The following BPIFB2 variants were observed in gnomAD, a reference collection of about 807,000 sequenced individuals.
The protein encoded by BPIFB2 is BPI fold-containing family B member 2.
Under a neutral mutation model 50.1 loss-of-function variants are expected in BPIFB2, and 39 were observed. That is an observed-to-expected ratio of 0.78 (90% confidence interval 0.60 to 1.02). BPIFB2 has a LOEUF of 1.02. Among genes scored for constraint, BPIFB2 ranks in the 50% least tolerant of loss-of-function variants. BPIFB2 has a pLI of 0.00. For synonymous variants in BPIFB2, 280 were observed against 256.3 expected, an observed-to-expected ratio of 1.09 and a Z score of -0.88; for missense variants, 574 against 585.8, an observed-to-expected ratio of 0.98 and a Z score of 0.21.
Position 33,013,849 on chromosome 20 carries a change from G to A in BPIFB2, c.348G>A (p.Leu116=). 1.9e-6 allele frequency: 3 copies of A among 1,613,858 alleles called. No homozygotes were observed. The highest frequency in any genetic ancestry group is 2.5e-6 in the Non-Finnish European group (3 of 1,179,918). ...EPLELTLPVE[L]LADTRVTQSS... The stretch of plus-strand genomic sequence containing the variant: ...TGGAGCTGACGCTGCCTGTGGAACT[G>A]CTGGCTGACACCCGCGTGACCCAGA... Residue 116 remains leucine (L), a synonymous_variant, in exon 5 of 16, where the codon CTG becomes CTA. Coordinates refer to ENST00000170150, the MANE Select transcript of BPIFB2 (RefSeq NM_025227.3).
At chr20:33,019,431 G>A in intron 10 of BPIFB2, 149 bp from the exon 11 acceptor site, 1 of 932,572 alleles carries the variant, frequency 1.1e-6, no homozygotes, top group East Asian at 2.7e-5. Context: ...CGGCCTGTAA[G>A]ACCCACTGGC....
intron 15 of BPIFB2, among the ~76,000 whole-genome samples, chr20:33,022,525 G>A (rs1368126743): frequency 4.6e-5 from 7 of 152,212 alleles, no homozygotes; most frequent in African/African-American, 1.2e-4. Flanking sequence ...AAAACAGGCA[G>A]TTAGTGGCTG....
intron 15 of BPIFB2, among the ~76,000 whole-genome samples, 192 bp downstream of exon 15, chr20:33,021,991 A>G (rs1366291345): frequency 6.6e-6 from 1 of 152,198 alleles, no homozygotes; most frequent in Non-Finnish European, 1.5e-5. Context: ...TAGTCCTCAT[A>G]AAATATCACA....
chr20:33,008,936 G>A (rs1990249855), intron 2 of BPIFB2, among the ~76,000 whole-genome samples: 1 of 152,164 alleles, frequency 6.6e-6, no homozygotes, highest in Non-Finnish European at 1.5e-5. Flanking sequence ...CACATGCTTT[G>A]GTGATGTGGG....
Position 33,009,386 on chromosome 20 carries a change from T to G in BPIFB2, c.109+703T>G, listed in dbSNP as rs1990257200. Among the ~76,000 whole-genome samples the G allele has an allele frequency of 6.6e-6, 1 of 152,024 alleles. No individual in the cohort carries two copies. The highest frequency in any genetic ancestry group is 1.5e-5 in the Non-Finnish European group (1 of 68,010). ...AAGGTCCAGGACGCCAGCACAAACA[T>G]GTTTATTCACCTCGAGTTGCCTCCC... On this transcript the variant is annotated intron_variant, in intron 2 of 15. Coordinates refer to ENST00000170150, the MANE Select transcript of BPIFB2 (RefSeq NM_025227.3). The surrounding 1 kb of genome is among the most constrained non-coding windows in gnomAD (Gnocchi z 4.2).
In BPIFB2 at chr20:33,020,337, T is replaced by C; in HGVS notation, c.1090T>C (p.Leu364=). The change falls in exon 12 of 16, where the codon TTG becomes CTG. Residue 364 remains leucine (L), a synonymous_variant. Coordinates refer to ENST00000170150, the MANE Select transcript of BPIFB2 (RefSeq NM_025227.3). ...CTCCCCATGTGCCCAGGTAGTGAAC[T>C]TGAGACTCCAGCTCTCTGTGTCCAA... ...SLFSLDVVVN[L]RLQLSVSKVK... The C allele has an allele frequency of 6.2e-7, 1 of 1,614,126 alleles. No homozygotes were observed. The highest frequency in any genetic ancestry group is 2.2e-5 in the East Asian group (1 of 44,884).
chr20:33,013,303 G>A (rs1045034044), intron 4 of BPIFB2, among the ~76,000 whole-genome samples: 5 of 152,150 alleles, frequency 3.3e-5, no homozygotes, highest in African/African-American at 4.8e-5. Context: ...ATTTTTGTGT[G>A]CCTGGCATCT....
intron 4 of BPIFB2, among the ~76,000 whole-genome samples, chr20:33,013,499 C>A (rs1028663052): frequency 2.0e-5 from 3 of 152,184 alleles, no homozygotes; most frequent in African/African-American, 2.4e-5. Flanking sequence ...GTCCCACCAA[C>A]CTTATGTCCA....
chr20:33,021,293 C>A lies in BPIFB2; in HGVS notation c.1207C>A (p.Arg403Ser). Reference sequence around the variant, plus strand: ...TCCGTGGCCACAGACAGATCAGGTGCGCACACTGATGGGCACCGTTTTTGA... The same window carrying A: ...TCCGTGGCCACAGACAGATCAGGTGAGCACACTGATGGGCACCGTTTTTGA... ...NVGFIDTDQV[R>S]TLMGTVFEKP... The change falls in exon 14 of 16, where the codon CGC (arginine) becomes AGC (serine). Residue 403 changes from arginine to serine, a missense_variant. By Grantham distance (110) the Arg-to-Ser change is moderately radical. Coordinates refer to ENST00000170150, the MANE Select transcript of BPIFB2 (RefSeq NM_025227.3). 6.2e-7 allele frequency: 1 copy of A among 1,613,970 alleles called. No individual in the cohort carries two copies. The highest frequency in any genetic ancestry group is 1.3e-5 in the African/African-American group (1 of 75,044).
chr20:33,015,578 AGGGGGTACTTTGCTT>A, intron 6 of BPIFB2, 82 bp downstream of exon 6: 1 of 1,204,034 alleles, frequency 8.3e-7, no homozygotes, highest in Non-Finnish European at 1.2e-6. Context: ...GATTTCAGGC[AGGGGGTACTTTGCTT>A]GGGATTAAAA....
At chr20:33,015,535 C>T in intron 6 of BPIFB2, 39 bp downstream of exon 6, 1 of 1,534,534 alleles carries the variant, frequency 6.5e-7, no homozygotes, top group Non-Finnish European at 8.9e-7. Flanking sequence ...GAGGGCATGG[C>T]TTCACCGAGA....
intron 14 of BPIFB2, 151 bp from the exon 15 acceptor site, chr20:33,021,572 C>A (rs1978673418): frequency 1.1e-6 from 1 of 901,966 alleles, no homozygotes; most frequent in Non-Finnish European, 1.7e-6. Flanking sequence ...CTTTTTCTCT[C>A]TGAGCCCCAG....
intron 6 of BPIFB2, among the ~76,000 whole-genome samples, chr20:33,015,991 C>T (rs1460878078): frequency 6.6e-6 from 1 of 152,114 alleles, no homozygotes; most frequent in Non-Finnish European, 1.5e-5. Flanking sequence ...GAGTTCGGGA[C>T]AGTGGTTGGC....
chr20:33,016,475 G>A (rs1273651847), intron 6 of BPIFB2, among the ~76,000 whole-genome samples: 2 of 152,224 alleles, frequency 1.3e-5, no homozygotes, highest in East Asian at 1.9e-4. Flanking sequence ...GCCCAGTCTC[G>A]CCAGCTCTTG....
Position 33,010,615 on chromosome 20 carries a change from C to T in BPIFB2, c.110-409C>T, listed in dbSNP as rs61389571. ...GGCTGTCCCCTCCCCTCCCAAGGGACGTCCCCTCTGCTCCCATGGGCGCCT... is the reference window on the plus strand; with the variant it reads ...GGCTGTCCCCTCCCCTCCCAAGGGATGTCCCCTCTGCTCCCATGGGCGCCT... On this transcript the variant is annotated intron_variant, in intron 2 of 15. Coordinates refer to ENST00000170150, the MANE Select transcript of BPIFB2 (RefSeq NM_025227.3). Among the ~76,000 whole-genome samples the T allele has an allele frequency of 7.1e-3, 1,075 of 152,196 alleles. 13 individuals carry two copies. The highest frequency in any genetic ancestry group is 0.024 in the African/African-American group (1,010 of 41,528).
At chr20:33,023,191 G>C (rs1204984016) in intron 15 of BPIFB2, 151 bp from the exon 16 acceptor site, 1 of 707,678 alleles carries the variant, frequency 1.4e-6, no homozygotes, top group African/African-American at 1.8e-5. Context: ...CAAAGTGACA[G>C]ACTGGTAAAC....
chr20:33,018,767 C>A lies in BPIFB2; in HGVS notation c.800C>A (p.Ala267Glu), dbSNP rs533775789. ...VGLSQQLFDS[A>E]LLLLQKAGAL... The stretch of plus-strand genomic sequence containing the variant: ...CTCTCCCAGCAGCTGTTTGACTCTG[C>A]GCTCCTGCTGCTGCAGAAGGCCGGT... Residue 267 changes from alanine (A) to glutamate (E), a missense_variant, in exon 9 of 16, where the codon GCG (alanine) becomes GAG (glutamate). Ala to Glu is a moderately radical substitution (Grantham distance 107, BLOSUM62 -1). Coordinates refer to ENST00000170150, the MANE Select transcript of BPIFB2 (RefSeq NM_025227.3). 1 of 1,614,006 alleles carries A rather than the reference C, an allele frequency of 6.2e-7. No homozygotes were observed. The highest frequency in any genetic ancestry group is 8.5e-7 in the Non-Finnish European group (1 of 1,180,024).
At chr20:33,013,694 C>T in intron 4 of BPIFB2, 116 bp from the exon 5 acceptor site, 2 of 1,429,314 alleles carry the variant, frequency 1.4e-6, no homozygotes, top group East Asian at 2.3e-5. Flanking sequence ...GAGTGGGGGG[C>T]CTGCCTGGGC....
chr20:33,021,638 G>C (rs77646458), intron 14 of BPIFB2, 85 bp from the exon 15 acceptor site: 1 of 1,361,246 alleles, frequency 7.3e-7, no homozygotes, highest in Non-Finnish European at 1.1e-6. Context: ...CCAGATGCCT[G>C]CGAGGACTCA....
Sources: allele counts gnomAD v4.1 joint callset (sites outside exome capture counted in the v4.1 genomes callset), GRCh38; gene constraint gnomAD v4.1.1; non-coding constraint Gnocchi (gnomAD v3.1); transcripts MANE v1.5; gene names NCBI Gene and HGNC (gene_info 2026-07-23, HGNC 2026-07-21).